SAMD5: variants seen among roughly 807,000 people sequenced by gnomAD.
SAMD5 encodes the protein sterile alpha motif domain containing 5, also known as sterile alpha motif domain-containing protein 5.
Under a neutral mutation model 11.3 loss-of-function variants are expected in SAMD5, and 13 were observed. The ratio of observed to expected loss-of-function variants is 1.15; its 90% confidence interval spans 0.75 to 1.83. The LOEUF (loss-of-function observed/expected upper bound fraction) is 1.83. SAMD5 is among the 40% of genes most tolerant of loss of function. The pLI, the probability that SAMD5 is intolerant of heterozygous loss-of-function variation, is 0.00. For missense variants in SAMD5, 255 were observed against 239.1 expected, an observed-to-expected ratio of 1.07 and a Z score of -0.44; for synonymous variants, 129 against 111.3, an observed-to-expected ratio of 1.16 and a Z score of -1.00.
At chr6:147,932,735 C>T in the SAMD5 span, among the ~76,000 whole-genome samples, 2 of 151,860 alleles carry the variant, frequency 1.3e-5, no homozygotes, top group Non-Finnish European at 2.9e-5. Context: ...GCTGGGTAGC[C>T]ACAGAGAGTA....
chr6:147,911,691 C>G, the SAMD5 span, among the ~76,000 whole-genome samples: 1 of 152,212 alleles, frequency 6.6e-6, no homozygotes, highest in Non-Finnish European at 1.5e-5. Flanking sequence ...CTTTGCTGTA[C>G]CAGTTATCTA....
chr6:147,663,957 A>C (rs1257045741), intron 1 of SAMD5, among the ~76,000 whole-genome samples: 1 of 150,788 alleles, frequency 6.6e-6, no homozygotes, highest in Non-Finnish European at 1.5e-5. Context: ...TTTGTAACAG[A>C]ACGTCACATT....
rs570006901 is a variant in SAMD5, at chr6:147,528,636, C to T, written c.459+19249C>T. Among the ~76,000 whole-genome samples the T allele has an allele frequency of 2.6e-5, 4 of 152,270 alleles. No homozygotes were observed. In the South Asian group the frequency reaches 8.3e-4, roughly 32 times the overall value. On this transcript the variant is annotated intron_variant, in intron 1 of 1. Transcript: ENST00000367474. ...CCTGAGGAGTTAATCCAGGCTGTAC[C>T]ACCTGACTTAGAAAGTTATGTTGTC...
chr6:147,720,428 A>C (rs1395123083), intron 1 of SAMD5, among the ~76,000 whole-genome samples: 37 of 150,600 alleles, frequency 2.5e-4, no homozygotes, highest in Admixed American at 2.2e-3. Context: ...GCGCCACTGC[A>C]CTCCAGCCTG....
At position 147,568,555 on chromosome 6, in the gene SAMD5, T is replaced by G. The variant is rs947035968; in HGVS notation, c.*4099T>G. 1 of 985,294 alleles carries G rather than the reference T, an allele frequency of 1.0e-6. No individual in the cohort carries two copies. The highest frequency in any genetic ancestry group is 6.2e-5 in the Admixed American group (1 of 16,258). 61.0% of individuals were successfully genotyped at this position (985,294 alleles called of 1,614,324 possible). On this transcript the variant is annotated 3_prime_UTR_variant, in exon 2 of 2. Coordinates refer to ENST00000367474, the MANE Select transcript of SAMD5 (RefSeq NM_001030060.3). ...TGAAAGTCTGACCCTACATTGCCAATTCTCAGACCAAGTACAAAGTATTAG... is the reference window on the plus strand; with the variant it reads ...TGAAAGTCTGACCCTACATTGCCAAGTCTCAGACCAAGTACAAAGTATTAG...
the SAMD5 span, among the ~76,000 whole-genome samples, chr6:147,817,108 G>C: frequency 6.6e-6 from 1 of 152,138 alleles, no homozygotes; most frequent in Non-Finnish European, 1.5e-5. Flanking sequence ...TTCCTGCCAG[G>C]CTTCCCTTTT....
the SAMD5 span, among the ~76,000 whole-genome samples, chr6:147,854,544 T>A: frequency 6.6e-6 from 1 of 152,304 alleles, no homozygotes; most frequent in African/African-American, 2.4e-5. Context: ...CCAAACTGAC[T>A]TGCTCTATTG....
the SAMD5 span, among the ~76,000 whole-genome samples, chr6:147,950,798 C>G: frequency 2.6e-5 from 4 of 152,114 alleles, no homozygotes; most frequent in Non-Finnish European, 5.9e-5. Context: ...AAATCCTCCT[C>G]ACCCTCAATA....
In SAMD5 at chr6:147,508,847, G is replaced by T; in HGVS notation, c.-82G>T. The T allele has an allele frequency of 6.5e-7, 1 of 1,528,424 alleles. No homozygotes were observed. Among genetic ancestry groups the T allele is most frequent in the Non-Finnish European group, 8.8e-7 (1 of 1,142,420 alleles). The allele number at this position is 1,528,424 out of a possible 1,614,324, so 94.7% of individuals were successfully genotyped here. On this transcript the variant is annotated 5_prime_UTR_variant, in exon 1 of 2. Transcript: ENST00000367474. ...ATACCCTTTTCCCCTTGGAGGAGAG[G>T]ATTAAAAGTTCCAAGAACTGGTGCC...
intron 1 of SAMD5, among the ~76,000 whole-genome samples, chr6:147,581,448 G>A (rs924779449): frequency 2.0e-5 from 3 of 152,160 alleles, no homozygotes; most frequent in Non-Finnish European, 4.4e-5. Flanking sequence ...CAGGGACAGC[G>A]GGAAGAGTGA....
At chr6:147,628,015 A>T (rs1562337307) in intron 1 of SAMD5, among the ~76,000 whole-genome samples, 1 of 152,226 alleles carries the variant, frequency 6.6e-6, no homozygotes, top group Non-Finnish European at 1.5e-5. Context: ...CTACTGAATG[A>T]AAGGCCTGGT....
In SAMD5 at chr6:147,564,785, C is replaced by T; in HGVS notation, c.*329C>T. 9.9e-7 allele frequency: 1 copy of T among 1,011,946 alleles called. No individual in the cohort carries two copies. The highest frequency in any genetic ancestry group is 1.2e-6 in the Non-Finnish European group (1 of 846,792). 62.7% of individuals were successfully genotyped at this position (1,011,946 alleles called of 1,614,324 possible). A position where few individuals can be genotyped will look rare whatever the true frequency, so the allele number is the denominator to read the frequency against. ...TGAAAACAGATGAGGTTGGCTAAGG[C>T]ATTTGAGTCATAACTTAGTTTAAGT... On this transcript the variant is annotated 3_prime_UTR_variant, in exon 2 of 2. Transcript: ENST00000367474.
the SAMD5 span, among the ~76,000 whole-genome samples, chr6:147,812,353 A>C: frequency 6.6e-6 from 1 of 152,046 alleles, no homozygotes; most frequent in Non-Finnish European, 1.5e-5. Context: ...TTTTGAAAAA[A>C]AGAGTGTGCT....
At chr6:147,932,587 ATTGTGTGT>A in the SAMD5 span, among the ~76,000 whole-genome samples, 40 of 118,876 alleles carry the variant, frequency 3.4e-4, no homozygotes, top group African/African-American at 1.3e-3. Flanking sequence ...GTCTTACAGA[ATTGTGTGT>A]GTGTGTGTGT....
the SAMD5 span, among the ~76,000 whole-genome samples, chr6:147,937,144 C>G: frequency 2.0e-5 from 3 of 152,148 alleles, no homozygotes; most frequent in Non-Finnish European, 4.4e-5. Context: ...TTGTCTCTGC[C>G]ATTTACCCTA....
At chr6:147,602,610 G>T (rs1562330897) in intron 1 of SAMD5, among the ~76,000 whole-genome samples, 1 of 152,152 alleles carries the variant, frequency 6.6e-6, no homozygotes, top group Non-Finnish European at 1.5e-5. Flanking sequence ...CAGACATGGT[G>T]GCGGTTGCCT....
the SAMD5 span, among the ~76,000 whole-genome samples, chr6:147,793,197 G>C: frequency 7.2e-5 from 11 of 152,070 alleles, no homozygotes; most frequent in Admixed American, 7.2e-4. Context: ...GACAAGACCT[G>C]GTGAAAATGA....
chr6:147,872,497 TG>T, the SAMD5 span, among the ~76,000 whole-genome samples: 1 of 152,142 alleles, frequency 6.6e-6, no homozygotes. Flanking sequence ...CCAGTAAGGG[TG>T]GGTTATTATC....
intron 1 of SAMD5, among the ~76,000 whole-genome samples, chr6:147,671,717 T>C (rs1790797640): frequency 6.6e-6 from 1 of 152,136 alleles, no homozygotes; most frequent in Admixed American, 6.6e-5. Context: ...AAATTTTGGA[T>C]CTTTTTATGT....
Sources: gnomAD v4.1 joint callset for allele counts (sites outside exome capture counted in the v4.1 genomes callset) on GRCh38, gnomAD v4.1.1 for gene constraint, MANE v1.5 for transcripts, NCBI Gene and HGNC (gene_info 2026-07-23, HGNC 2026-07-21) for gene names.